MACROD1: variants seen among roughly 807,000 people sequenced by gnomAD.
MACROD1 encodes mono-ADP ribosylhydrolase 1.
A neutral mutation model predicts 41.4 loss-of-function variants in MACROD1; 31 were observed. That is an observed-to-expected ratio of 0.75 (90% CI 0.56 to 1.01). The LOEUF (loss-of-function observed/expected upper bound fraction) is 1.01. Among genes scored for constraint, MACROD1 ranks in the 50% least tolerant of loss-of-function variants. The pLI, the probability that MACROD1 is intolerant of heterozygous loss-of-function variation, is 0.00. For synonymous variants in MACROD1, 252 were observed against 203.4 expected (o/e 1.24, Z -2.03); for missense variants, 473 against 460.0 (o/e 1.03, Z -0.26).
intron 4 of MACROD1, among the ~76,000 whole-genome samples, chr11:64,004,556 C>T (rs1942878971): frequency 6.6e-6 from 1 of 152,140 alleles, no homozygotes; most frequent in Non-Finnish European, 1.5e-5. Flanking sequence ...GTGCCCCTAC[C>T]GAGGGCAGGG....
chr11:64,081,034 T>C (rs1944293552), intron 3 of MACROD1, among the ~76,000 whole-genome samples: 1 of 152,186 alleles, frequency 6.6e-6, no homozygotes. Flanking sequence ...TTATTTTATT[T>C]ATTTTGAGAT....
intron 3 of MACROD1, among the ~76,000 whole-genome samples, chr11:64,045,196 G>A (rs1265433400): frequency 4.0e-5 from 6 of 151,798 alleles, no homozygotes; most frequent in Non-Finnish European, 8.8e-5. Flanking sequence ...GCTGGGCCTC[G>A]CTGCCCGCTG....
chr11:64,030,059 C>G (rs537240625), intron 3 of MACROD1, among the ~76,000 whole-genome samples: 1 of 152,078 alleles, frequency 6.6e-6, no homozygotes, highest in Non-Finnish European at 1.5e-5. Context: ...AACCACCCCC[C>G]GGGTGACACA....
At chr11:64,138,290 C>G (rs1031404943) in intron 3 of MACROD1, among the ~76,000 whole-genome samples, 1 of 152,226 alleles carries the variant, frequency 6.6e-6, no homozygotes, top group African/African-American at 2.4e-5. Context: ...GAACCCCCTC[C>G]CCGGCACTGC....
intron 1 of MACROD1, among the ~76,000 whole-genome samples, chr11:64,162,456 T>A (rs1945769522): frequency 6.6e-6 from 1 of 152,088 alleles, no homozygotes; most frequent in African/African-American, 2.4e-5. Context: ...TAGCTATGAT[T>A]ACACCACTGC....
chr11:64,029,794 G>A (rs1943270131), intron 3 of MACROD1, among the ~76,000 whole-genome samples: 1 of 152,202 alleles, frequency 6.6e-6, no homozygotes. Context: ...TGTGTAACAG[G>A]TGAATGACAG....
chr11:64,044,193 TA>T (rs1943541809), intron 3 of MACROD1, among the ~76,000 whole-genome samples: 1 of 151,776 alleles, frequency 6.6e-6, no homozygotes, highest in South Asian at 2.1e-4. Flanking sequence ...ACAGCAATAG[TA>T]GCTGACATTT....
At chr11:64,007,031 C>G (rs1222974103) in intron 4 of MACROD1, among the ~76,000 whole-genome samples, 3 of 152,156 alleles carry the variant, frequency 2.0e-5, no homozygotes, top group Admixed American at 2.0e-4. Flanking sequence ...GTCATAAAAC[C>G]TCCCATGGCT....
chr11:64,000,106 G>T, intron 5 of MACROD1, 121 bp downstream of exon 5: 1 of 758,358 alleles, frequency 1.3e-6, no homozygotes. Flanking sequence ...TGGCCCTTAA[G>T]GTTAAGAAGG....
Position 64,143,753 on chromosome 11 carries a change from T to TACACACACACACACAC in MACROD1, c.517+7470_517+7485dup, listed in dbSNP as rs55995667. Among the ~76,000 whole-genome samples the TACACACACACACACAC allele has an allele frequency of 7.4e-3, 748 of 101,616 alleles. 52 individuals carry two copies. The highest frequency in any genetic ancestry group is 0.021 in the East Asian group (70 of 3,372). 66.7% of individuals were successfully genotyped at this position (101,616 alleles called of 152,430 possible). On this transcript the variant is annotated intron_variant, in intron 3 of 10. Transcript: ENST00000255681. ...CCTTCCCCCAACCCCGACACACACA[T>TACACACACACACACAC]ACACACACACACACACACACACACA...
At chr11:64,119,528 A>T (rs200081317) in intron 3 of MACROD1, among the ~76,000 whole-genome samples, 58 of 146,496 alleles carry the variant, frequency 4.0e-4, no homozygotes, top group Non-Finnish European at 7.3e-4. Flanking sequence ...TTTTTTTTTT[A>T]AATATCAGCT....
At chr11:64,081,604 G>C (rs1032285202) in intron 3 of MACROD1, 2 of 146,708 alleles carry the variant, frequency 1.4e-5, no homozygotes, top group African/African-American at 4.9e-5. Context: ...CAAAGACAGG[G>C]AGCAAGGTGA....
chr11:64,001,113 A>C (rs1336120359), intron 4 of MACROD1: 2 of 351,942 alleles, frequency 5.7e-6, no homozygotes, highest in Non-Finnish European at 5.2e-6. Context: ...GGGCGCAGAT[A>C]AACAACCGGG....
intron 3 of MACROD1, among the ~76,000 whole-genome samples, chr11:64,140,667 C>T (rs1434355387): frequency 2.6e-5 from 4 of 152,256 alleles, no homozygotes; most frequent in South Asian, 2.1e-4. Flanking sequence ...GCATCCTACA[C>T]AAGCAGTCTC....
intron 3 of MACROD1, among the ~76,000 whole-genome samples, chr11:64,068,899 G>A (rs1232457722): frequency 1.3e-5 from 2 of 152,242 alleles, no homozygotes; most frequent in Non-Finnish European, 2.9e-5. Flanking sequence ...GGGACTTGGC[G>A]GGAAATGGGC....
At chr11:64,164,254 A>T (rs1202493133) in intron 1 of MACROD1, among the ~76,000 whole-genome samples, 2 of 152,210 alleles carry the variant, frequency 1.3e-5, no homozygotes, top group Non-Finnish European at 2.9e-5. Context: ...CTCGAAGCAA[A>T]AGGGAGACCC....
chr11:64,044,876 C>T lies in MACROD1; in HGVS notation c.518-29595G>A, dbSNP rs144596311. ...CTCTTCCCTGCCTGGATTCTGCCTT[C>T]GTTTCCTGAGGCCCCACTGTGTGCT... On this transcript the variant is annotated intron_variant, in intron 3 of 10. Coordinates refer to ENST00000255681, the MANE Select transcript of MACROD1 (RefSeq NM_014067.4). Among the ~76,000 whole-genome samples the T allele has an allele frequency of 3.8e-3, 580 of 152,312 alleles. 4 individuals are homozygous for T. Among genetic ancestry groups the T allele is most frequent in the African/African-American group, 0.011 (475 of 41,568 alleles).
intron 3 of MACROD1, among the ~76,000 whole-genome samples, chr11:64,039,075 G>A (rs968307542): frequency 6.6e-6 from 1 of 152,182 alleles, no homozygotes; most frequent in African/African-American, 2.4e-5. Context: ...GAGGACTGAG[G>A]TGGCCCTCAT....
At chr11:64,117,383 C>T (rs1475269377) in intron 3 of MACROD1, 2 of 1,612,388 alleles carry the variant, frequency 1.2e-6, no homozygotes, top group Non-Finnish European at 8.5e-7. Context: ...AGGACATTAC[C>T]AGCGAGATGG....
Sources: allele counts gnomAD v4.1 joint callset (sites outside exome capture counted in the v4.1 genomes callset), GRCh38; gene constraint gnomAD v4.1.1; transcripts MANE v1.5; gene names NCBI Gene and HGNC (gene_info 2026-07-23, HGNC 2026-07-21).